Variants in WDFY4 observed in about 807,000 individuals in gnomAD.
WDFY4 encodes the protein WD repeat- and FYVE domain-containing protein 4.
In WDFY4, 169 loss-of-function variants were observed where a neutral mutation model predicts 351.9. The observed-to-expected ratio is 0.48, with a 90% CI of 0.42 to 0.55. The LOEUF (loss-of-function observed/expected upper bound fraction) is 0.55. WDFY4 is among the 20% of genes least tolerant of loss of function. The pLI is 0.00. For missense variants in WDFY4, 3,803 were observed against 3,935.6 expected, an observed-to-expected ratio of 0.97 and a Z score of 0.90; for synonymous variants, 1,622 against 1,574.6, an observed-to-expected ratio of 1.03 and a Z score of -0.71.
At chr10:48,965,262 T>G (rs987979241) in intron 54 of WDFY4, among the ~76,000 whole-genome samples, 7 of 152,182 alleles carry the variant, frequency 4.6e-5, no homozygotes, top group Non-Finnish European at 7.3e-5. Context: ...CTTCAGATTC[T>G]GACTACTCAA....
intron 5 of WDFY4, among the ~76,000 whole-genome samples, chr10:48,725,387 G>A (rs2064234771): frequency 6.6e-6 from 1 of 152,156 alleles, no homozygotes; most frequent in Non-Finnish European, 1.5e-5. Flanking sequence ...GGAGAGGGAG[G>A]TTTTGCAAGT....
At chr10:48,753,715 A>T (rs551724955) in intron 12 of WDFY4, among the ~76,000 whole-genome samples, 3 of 152,286 alleles carry the variant, frequency 2.0e-5, no homozygotes, top group Non-Finnish European at 4.4e-5. Flanking sequence ...ATTGATCTCT[A>T]TATTTATCCT....
chr10:48,798,445 G>A (rs904963531), intron 24 of WDFY4, among the ~76,000 whole-genome samples: 1 of 151,832 alleles, frequency 6.6e-6, no homozygotes, highest in Non-Finnish European at 1.5e-5. Flanking sequence ...GGAAGGAAAA[G>A]GGGAGAATAC....
intron 32 of WDFY4, among the ~76,000 whole-genome samples, chr10:48,819,150 C>A (rs537134005): frequency 2.1e-4 from 32 of 152,312 alleles, no homozygotes; most frequent in African/African-American, 7.7e-4. Flanking sequence ...AGGGTCTGGC[C>A]CAGAGTCACA....
chr10:48,817,459 A>C (rs1272031269), intron 32 of WDFY4, 50 bp downstream of exon 32: 23 of 1,500,820 alleles, frequency 1.5e-5, no homozygotes, highest in Non-Finnish European at 2.1e-5. Context: ...GAGCATCATC[A>C]TCCTTCAAGG....
intron 2 of WDFY4, among the ~76,000 whole-genome samples, chr10:48,712,783 T>C (rs769309580): frequency 5.3e-5 from 8 of 152,164 alleles, no homozygotes; most frequent in Non-Finnish European, 1.2e-4. Flanking sequence ...CAAAGCAGTG[T>C]TCTTTAAGGT....
intron 3 of WDFY4, 53 bp downstream of exon 3, chr10:48,720,178 C>T: frequency 6.6e-7 from 1 of 1,514,384 alleles, no homozygotes; most frequent in Non-Finnish European, 8.9e-7. Flanking sequence ...TGCAGCCCTG[C>T]ATGCCCTCCC....
intron 12 of WDFY4, chr10:48,745,913 G>C (rs2064998774): frequency 4.1e-6 from 1 of 241,860 alleles, no homozygotes; most frequent in African/African-American, 2.3e-5. Context: ...GCTGCTGGGG[G>C]CCAGGAAATA....
intron 2 of WDFY4, among the ~76,000 whole-genome samples, chr10:48,714,246 A>G (rs898937611): frequency 4.6e-5 from 7 of 152,206 alleles, no homozygotes; most frequent in African/African-American, 1.7e-4. Flanking sequence ...TTTCTAGGAT[A>G]AAGCAGGTCT....
At chr10:48,759,191 A>T (rs552999508) in intron 12 of WDFY4, among the ~76,000 whole-genome samples, 1 of 152,192 alleles carries the variant, frequency 6.6e-6, no homozygotes, top group Non-Finnish European at 1.5e-5. Context: ...TTCATGCAGT[A>T]ACTGGTTGTG....
At chr10:48,741,838 C>T (rs773165270) in intron 11 of WDFY4, among the ~76,000 whole-genome samples, 6 of 152,170 alleles carry the variant, frequency 3.9e-5, no homozygotes, top group African/African-American at 9.7e-5. Context: ...CACCTCTCTC[C>T]GCAGTCTACT....
chr10:48,787,875 T>TTCTTTC (rs1403257460), intron 20 of WDFY4, among the ~76,000 whole-genome samples: 2 of 88,946 alleles, frequency 2.2e-5, no homozygotes, highest in Non-Finnish European at 4.1e-5. Flanking sequence ...TTCTTTCTTC[T>TTCTTTC]TTCTTTCTTC....
rs540180332 is a variant in WDFY4 at position 48,775,462 on chromosome 10, C to T, written c.2769-250C>T. 2.0e-5 allele frequency among the ~76,000 whole-genome samples: 3 copies of T among 152,312 alleles called. No homozygotes were observed. The East Asian group carries it at 5.8e-4, about 29-fold the overall frequency. On this transcript the variant is annotated intron_variant, in intron 14 of 61. Coordinates refer to ENST00000325239, the MANE Select transcript of WDFY4 (RefSeq NM_001394531.1). ...ATTAGAAACTTATAAACAATTACTACAAATTTACTTTGTGACATTATTTTT... is the reference window on the plus strand; with the variant it reads ...ATTAGAAACTTATAAACAATTACTATAAATTTACTTTGTGACATTATTTTT...
intron 2 of WDFY4, among the ~76,000 whole-genome samples, chr10:48,714,995 C>T (rs2063862194): frequency 6.6e-6 from 1 of 152,246 alleles, no homozygotes. Context: ...CCTCAAGAGG[C>T]TCACAGCTTC....
intron 23 of WDFY4, among the ~76,000 whole-genome samples, chr10:48,795,391 T>C (rs915283261): frequency 6.6e-6 from 1 of 150,942 alleles, no homozygotes; most frequent in African/African-American, 2.4e-5. Context: ...TTTGACACTG[T>C]TTGATGTAAA....
chr10:48,805,219 T>A, intron 25 of WDFY4, 41 bp from the exon 26 acceptor site: 6 of 1,517,924 alleles, frequency 4.0e-6, no homozygotes, highest in Non-Finnish European at 5.3e-6. Context: ...TTTGGTTCAT[T>A]CCAGTAAAAG....
chr10:48,861,006 C>A (rs895478911), intron 39 of WDFY4, among the ~76,000 whole-genome samples: 1 of 151,862 alleles, frequency 6.6e-6, no homozygotes, highest in African/African-American at 2.4e-5. Flanking sequence ...AGTTGGCTAC[C>A]AATGTGGGTT....
intron 43 of WDFY4, among the ~76,000 whole-genome samples, chr10:48,883,493 C>G (rs1475908757): frequency 6.6e-6 from 1 of 152,118 alleles, no homozygotes; most frequent in Non-Finnish European, 1.5e-5. Context: ...TGGGACTTCC[C>G]GTAATTCAGA....
chr10:48,745,936 T>C (rs1372259878), intron 12 of WDFY4: 2 of 226,738 alleles, frequency 8.8e-6, no homozygotes, highest in African/African-American at 2.3e-5. Context: ...AGGGGCCTCA[T>C]CAGGGTTGGT....
Sources: allele counts gnomAD v4.1 joint callset (sites outside exome capture counted in the v4.1 genomes callset), GRCh38; gene constraint gnomAD v4.1.1; transcripts MANE v1.5; gene names NCBI Gene and HGNC (gene_info 2026-07-23, HGNC 2026-07-21).